Variants in PALM observed in about 807,000 individuals in gnomAD.
PALM encodes the protein paralemmin, also known as paralemmin-1.
A neutral mutation model predicts 30.7 loss-of-function variants in PALM; 18 were observed. That is an observed-to-expected ratio of 0.59 (90% CI 0.41 to 0.87). The LOEUF (loss-of-function observed/expected upper bound fraction) is 0.87. Ranked by LOEUF, PALM falls within the 40% of genes least tolerant of loss-of-function variation. The probability of loss-of-function intolerance (pLI) is 0.00; values close to 1 mark genes in which losing one functional copy is unlikely to be tolerated. For missense variants in PALM, 529 were observed against 555.4 expected (o/e 0.95, Z 0.48); for synonymous variants, 286 against 242.8 (o/e 1.18, Z -1.66).
chr19:711,250 A>T, intron 1 of PALM: 1 of 902,782 alleles, frequency 1.1e-6, no homozygotes. Context: ...TTCGGAGAGA[A>T]TCTCTGTGCT....
At chr19:717,122 G>T (rs898689757) in intron 1 of PALM, among the ~76,000 whole-genome samples, 1 of 152,158 alleles carries the variant, frequency 6.6e-6, no homozygotes, top group Non-Finnish European at 1.5e-5. Context: ...TAGAGACGGG[G>T]TTTCACCATA....
chr19:726,058 G>A, intron 1 of PALM, 80 bp from the exon 2 acceptor site: 1 of 1,089,314 alleles, frequency 9.2e-7, no homozygotes, highest in East Asian at 2.4e-5. Flanking sequence ...TAGGGGAAGA[G>A]GCAGAGCTGG....
chr19:737,890 G>A (rs958158385), intron 7 of PALM, among the ~76,000 whole-genome samples: 1 of 152,158 alleles, frequency 6.6e-6, no homozygotes, highest in Non-Finnish European at 1.5e-5. Context: ...GAACCATGGG[G>A]GGCTGCAGGC....
At chr19:718,828 G>C (rs969334839) in intron 1 of PALM, among the ~76,000 whole-genome samples, 1 of 152,036 alleles carries the variant, frequency 6.6e-6, no homozygotes, top group Non-Finnish European at 1.5e-5. Flanking sequence ...TGAAGGGTGA[G>C]GGGCTGACAT....
intron 1 of PALM, chr19:711,119 C>G (rs2032065468): frequency 1.2e-6 from 1 of 812,726 alleles, no homozygotes; most frequent in Admixed American, 6.2e-5. Flanking sequence ...AAATGTCATT[C>G]AAGAACAGGT....
At chr19:714,395 G>A (rs1209885488) in intron 1 of PALM, among the ~76,000 whole-genome samples, 2 of 120,742 alleles carry the variant, frequency 1.7e-5, no homozygotes, top group South Asian at 5.2e-4. Flanking sequence ...GTCTCTCTCT[G>A]TCGCCCAGGC....
intron 4 of PALM, 93 bp from the exon 5 acceptor site, chr19:731,001 CA>C (rs1266943445): frequency 1.8e-4 from 149 of 811,876 alleles, no homozygotes; most frequent in Non-Finnish European, 2.3e-4. Flanking sequence ...GAATCTGTCT[CA>C]AAAAAAAGAC....
Position 709,570 on chromosome 19 carries a change from C to T in PALM, c.5+419C>T, listed in dbSNP as rs900853485. On this transcript the variant is annotated intron_variant, in intron 1 of 8. Transcript: ENST00000338448. This position sits in a 1 kb window ranked among gnomAD's most constrained non-coding sequence, Gnocchi z 4.3. The stretch of plus-strand genomic sequence containing the variant: ...TCCGGCCTCGCGCTCACGCACCCTT[C>T]CCCCGCCCCAGTCTGAGCGCACGGC... Among the ~76,000 whole-genome samples, 3 of 152,018 alleles carry T rather than the reference C, an allele frequency of 2.0e-5. No homozygotes were observed. The highest frequency in any genetic ancestry group is 4.4e-5 in the Non-Finnish European group (3 of 67,942).
intron 7 of PALM, among the ~76,000 whole-genome samples, 154 bp from the exon 8 acceptor site, chr19:740,198 G>A (rs78315645): frequency 0.07 from 10,669 of 152,288 alleles, 493 homozygotes; most frequent in Non-Finnish European, 0.1. Context: ...GGGGAGGGCC[G>A]CGTCGAGAAG....
chr19:712,787 T>C (rs1035368624), intron 1 of PALM, among the ~76,000 whole-genome samples: 1 of 152,030 alleles, frequency 6.6e-6, no homozygotes, highest in African/African-American at 2.4e-5. Context: ...GCGATTCTCC[T>C]GCCTCAGCCT....
At chr19:727,455 C>T (rs2032723280) in intron 3 of PALM, 109 bp from the exon 4 acceptor site, 1 of 855,960 alleles carries the variant, frequency 1.2e-6, no homozygotes, top group African/African-American at 1.7e-5. Context: ...TGACCCCAAC[C>T]TTGGTCCTGC....
At chr19:725,828 C>T (rs570026621) in intron 1 of PALM, among the ~76,000 whole-genome samples, 7 of 152,184 alleles carry the variant, frequency 4.6e-5, no homozygotes, top group South Asian at 2.1e-4. Context: ...TCCTTCTTCC[C>T]GAAACACCCT....
At chr19:721,717 C>T (rs1599142613) in intron 1 of PALM, among the ~76,000 whole-genome samples, 1 of 151,876 alleles carries the variant, frequency 6.6e-6, no homozygotes, top group Non-Finnish European at 1.5e-5. Context: ...CCTGCCTCAG[C>T]CTCCTGAGTA....
chr19:730,292 C>T (rs2032830192), intron 4 of PALM, among the ~76,000 whole-genome samples: 2 of 152,176 alleles, frequency 1.3e-5, no homozygotes, highest in South Asian at 4.1e-4. Flanking sequence ...CCTTGTTAGA[C>T]TTACGCACTC....
At chr19:714,113 G>C (rs1322638175) in intron 1 of PALM, among the ~76,000 whole-genome samples, 1 of 151,142 alleles carries the variant, frequency 6.6e-6, no homozygotes, top group Non-Finnish European at 1.5e-5. Context: ...CACTGTGTTA[G>C]CCAGGATGGT....
At chr19:738,259 G>A (rs143528747) in intron 7 of PALM, among the ~76,000 whole-genome samples, 2 of 152,260 alleles carry the variant, frequency 1.3e-5, no homozygotes, top group African/African-American at 4.8e-5. Flanking sequence ...AGGCGTGGTG[G>A]CTCACCCCTG....
chr19:718,418 C>T (rs2032339434), intron 1 of PALM, among the ~76,000 whole-genome samples: 1 of 152,122 alleles, frequency 6.6e-6, no homozygotes, highest in Non-Finnish European at 1.5e-5. Flanking sequence ...GGCTGGAGTG[C>T]AGTCGCGTGG....
At chr19:726,656 C>T (rs118138342) in intron 2 of PALM, among the ~76,000 whole-genome samples, 12 of 152,254 alleles carry the variant, frequency 7.9e-5, no homozygotes, top group Admixed American at 3.3e-4. Flanking sequence ...GTGACCGCCA[C>T]GACGCTGGGC....
chr19:746,508 C>T lies in PALM; in HGVS notation c.858C>T (p.Gly286=). ...CACAGCCAGGCGAGGCCACGTCCGGCCCGCCGGGGATCCAGCCCGGCCAGG... is the reference window on the plus strand; with the variant it reads ...CACAGCCAGGCGAGGCCACGTCCGGTCCGCCGGGGATCCAGCCCGGCCAGG... ...VQAQPGEATS[G]PPGIQPGQEP... The change falls in exon 9 of 9, where the codon GGC becomes GGT. Residue 286 remains glycine, a synonymous_variant. Coordinates refer to ENST00000338448, the MANE Select transcript of PALM (RefSeq NM_002579.3). The surrounding 1 kb of genome is among the most constrained non-coding windows in gnomAD (Gnocchi z 7.1). 6.2e-7 allele frequency: 1 copy of T among 1,612,454 alleles called. No homozygotes were observed. The highest frequency in any genetic ancestry group is 8.5e-7 in the Non-Finnish European group (1 of 1,179,688).
Sources: gnomAD v4.1 joint callset for allele counts (sites outside exome capture counted in the v4.1 genomes callset) on GRCh38, gnomAD v4.1.1 for gene constraint, Gnocchi (gnomAD v3.1) non-coding constraint, MANE v1.5 for transcripts, NCBI Gene and HGNC (gene_info 2026-07-23, HGNC 2026-07-21) for gene names.